Variants in PCSK2 observed in about 807,000 individuals in gnomAD.
PCSK2 encodes proprotein convertase subtilisin/kexin type 2.
PCSK2 carries 14 observed loss-of-function variants against 69.7 expected under a neutral mutation model. The ratio of observed to expected loss-of-function variants is 0.20; its 90% confidence interval spans 0.13 to 0.31. PCSK2 has a LOEUF of 0.31. Ranked by LOEUF, PCSK2 falls within the 10% of genes least tolerant of loss-of-function variation. PCSK2 has a pLI of 1.00. For synonymous variants in PCSK2, 307 were observed against 320.7 expected (o/e 0.96, Z 0.46); for missense variants, 544 against 842.5 (o/e 0.65, Z 4.39).
chr20:17,456,232 C>A, intron 9 of PCSK2, 116 bp from the exon 10 acceptor site: 1 of 668,726 alleles, frequency 1.5e-6, no homozygotes. Flanking sequence ...CAGAGTGAGG[C>A]TGTCTCAATA....
chr20:17,347,900 GA>G (rs546002046), intron 2 of PCSK2, among the ~76,000 whole-genome samples: 2 of 22,682 alleles, frequency 8.8e-5, no homozygotes, highest in Non-Finnish European at 2.2e-4. Flanking sequence ...AAGAAAGAAA[GA>G]AAGAAAGAAA....
intron 6 of PCSK2, 28 bp downstream of exon 6, chr20:17,409,367 G>C: frequency 6.7e-7 from 1 of 1,498,376 alleles, no homozygotes; most frequent in Non-Finnish European, 9.3e-7. Context: ...AGGTCTCTTT[G>C]ACTTTAGGCT....
At chr20:17,238,595 C>T (rs979735929) in intron 1 of PCSK2, among the ~76,000 whole-genome samples, 1 of 152,128 alleles carries the variant, frequency 6.6e-6, no homozygotes, top group Non-Finnish European at 1.5e-5. Flanking sequence ...ATTGATATCA[C>T]TGAACCAGCT....
chr20:17,429,371 C>A, intron 6 of PCSK2, 64 bp from the exon 7 acceptor site: 1 of 1,158,058 alleles, frequency 8.6e-7, no homozygotes, highest in Non-Finnish European at 1.3e-6. Context: ...AATTTTGAGC[C>A]CATGAGAGAT....
rs373189571 is a variant in PCSK2 at position 17,393,862 on chromosome 20, A to T, written c.544-15401A>T. Among the ~76,000 whole-genome samples the T allele has an allele frequency of 6.8e-4, 103 of 152,372 alleles. 1 individual carries two copies. The highest frequency in any genetic ancestry group is 1.5e-3 in the South Asian group (7 of 4,826). ...AAGTGGTATGGCACTAGCACATTAA[A>T]AAAGGAGGCTTGAAATATCAACATT... is the stretch of plus-strand genomic sequence containing the variant. On this transcript the variant is annotated intron_variant, in intron 5 of 11. Coordinates refer to ENST00000262545, the MANE Select transcript of PCSK2 (RefSeq NM_002594.5).
chr20:17,379,627 C>T (rs1242920464), intron 5 of PCSK2, among the ~76,000 whole-genome samples: 1 of 152,196 alleles, frequency 6.6e-6, no homozygotes, highest in Non-Finnish European at 1.5e-5. Flanking sequence ...AAAATGCCCC[C>T]CTAAGATTTC....
At chr20:17,253,267 G>A (rs564716649) in intron 1 of PCSK2, among the ~76,000 whole-genome samples, 51 of 152,250 alleles carry the variant, frequency 3.3e-4, no homozygotes, top group Non-Finnish European at 5.9e-4. Context: ...GTGATCTTTA[G>A]TAGAGTTGCA....
chr20:17,251,077 G>T (rs548805149), intron 1 of PCSK2, among the ~76,000 whole-genome samples: 1 of 151,910 alleles, frequency 6.6e-6, no homozygotes, highest in East Asian at 1.9e-4. Context: ...TCCAGCCTGG[G>T]CAAAAAAGTG....
At chr20:17,411,345 T>C (rs755004552) in intron 6 of PCSK2, among the ~76,000 whole-genome samples, 23 of 152,254 alleles carry the variant, frequency 1.5e-4, no homozygotes, top group Admixed American at 3.3e-4. Context: ...GCTTTTCCCA[T>C]GGTCTTAGCA....
At chr20:17,381,688 T>G (rs1246894899) in intron 5 of PCSK2, among the ~76,000 whole-genome samples, 1 of 152,180 alleles carries the variant, frequency 6.6e-6, no homozygotes, top group Non-Finnish European at 1.5e-5. Flanking sequence ...AATCAAAAAA[T>G]AGAAATTAAA....
At chr20:17,340,532 C>A (rs1319539961) in intron 2 of PCSK2, among the ~76,000 whole-genome samples, 3 of 152,146 alleles carry the variant, frequency 2.0e-5, no homozygotes, top group Non-Finnish European at 4.4e-5. Context: ...CCTTTTGTTC[C>A]TTTTTACCTT....
At chr20:17,391,567 G>A (rs2031374865) in intron 5 of PCSK2, among the ~76,000 whole-genome samples, 1 of 152,132 alleles carries the variant, frequency 6.6e-6, no homozygotes, top group African/African-American at 2.4e-5. Context: ...CAACTTAAAT[G>A]CTGAGTCATG....
At chr20:17,311,759 T>C (rs946933389) in intron 2 of PCSK2, among the ~76,000 whole-genome samples, 5 of 152,064 alleles carry the variant, frequency 3.3e-5, no homozygotes, top group African/African-American at 1.2e-4. Flanking sequence ...TGGAGTGAAA[T>C]AGGAGGCTGT....
chr20:17,342,099 G>A (rs1417177220), intron 2 of PCSK2, among the ~76,000 whole-genome samples: 2 of 152,198 alleles, frequency 1.3e-5, no homozygotes, highest in Non-Finnish European at 1.5e-5. Context: ...AGTTTAAGGA[G>A]TGGACTACAT....
At chr20:17,242,205 G>A (rs1202383355) in intron 1 of PCSK2, among the ~76,000 whole-genome samples, 4 of 152,150 alleles carry the variant, frequency 2.6e-5, no homozygotes, top group Admixed American at 1.3e-4. Flanking sequence ...AGCATTATCC[G>A]TGGAGAACAA....
At chr20:17,414,315 A>G (rs2031946982) in intron 6 of PCSK2, among the ~76,000 whole-genome samples, 1 of 152,230 alleles carries the variant, frequency 6.6e-6, no homozygotes, top group African/African-American at 2.4e-5. Flanking sequence ...AAAAGAGAGA[A>G]AAATCAAATA....
At chr20:17,258,051 A>C (rs983770184) in intron 1 of PCSK2, among the ~76,000 whole-genome samples, 4 of 152,262 alleles carry the variant, frequency 2.6e-5, no homozygotes, top group Admixed American at 6.5e-5. Flanking sequence ...ATCAAATAAC[A>C]ACAAATCCTA....
chr20:17,293,113 C>G (rs1489909851), intron 2 of PCSK2, among the ~76,000 whole-genome samples: 1 of 152,180 alleles, frequency 6.6e-6, no homozygotes, highest in Non-Finnish European at 1.5e-5. Context: ...GCATGAGCCA[C>G]CACACTCGGC....
chr20:17,379,862 G>T (rs1024635227), intron 5 of PCSK2, among the ~76,000 whole-genome samples: 1 of 152,206 alleles, frequency 6.6e-6, no homozygotes, highest in Non-Finnish European at 1.5e-5. Context: ...CCCTTTAAAA[G>T]GTAATCTACA....
Sources: gnomAD v4.1 joint callset for allele counts (sites outside exome capture counted in the v4.1 genomes callset) on GRCh38, gnomAD v4.1.1 for gene constraint, MANE v1.5 for transcripts, NCBI Gene and HGNC (gene_info 2026-07-23, HGNC 2026-07-21) for gene names.